Variants in SPAG6 observed in about 807,000 individuals in gnomAD.
SPAG6 encodes sperm associated antigen 6.
In SPAG6, 49 loss-of-function variants were observed where a neutral mutation model predicts 58.5. The ratio of observed to expected loss-of-function variants is 0.84; its 90% CI spans 0.67 to 1.06. The LOEUF (loss-of-function observed/expected upper bound fraction) is 1.06, where lower values mean the gene tolerates loss of function less well. SPAG6 is among the 50% of genes least tolerant of loss of function. The probability of loss-of-function intolerance (pLI) is 0.00; values close to 1 mark genes in which losing one functional copy is unlikely to be tolerated. For missense variants in SPAG6, 560 were observed against 611.3 expected, an observed-to-expected ratio of 0.92 and a Z score of 0.89; for synonymous variants, 233 against 225.6, an observed-to-expected ratio of 1.03 and a Z score of -0.29.
chr10:22,391,855 A>G lies in SPAG6; in HGVS notation c.1132A>G (p.Asn378Asp), dbSNP rs1375049430. The G allele has an allele frequency of 6.2e-7, 1 of 1,613,566 alleles. No individual in the cohort carries two copies. Among genetic ancestry groups the G allele is most frequent in the African/African-American group, 1.3e-5 (1 of 74,990 alleles). ...ACACGCACGGGCTGTTGCAGTCACA[A>G]ATACTTTGCCAGTTCTGCTTTCTTT... Reference protein sequence around the residue: ...PEHARAVAVTNTLPVLLSLYM... With the variant: ...PEHARAVAVTDTLPVLLSLYM... The change falls in exon 8 of 11, where the codon AAT becomes GAT. Residue 378 changes from asparagine (N) to aspartate (D), a missense_variant. Coordinates refer to ENST00000376624, the MANE Select transcript of SPAG6 (RefSeq NM_012443.4).
intron 9 of SPAG6, among the ~76,000 whole-genome samples, chr10:22,405,336 T>C (rs1423753382): frequency 1.3e-5 from 2 of 152,198 alleles, no homozygotes; most frequent in Non-Finnish European, 2.9e-5. Flanking sequence ...ATTGAGAGTT[T>C]TTAACATGAA....
intron 9 of SPAG6, among the ~76,000 whole-genome samples, chr10:22,404,760 A>T (rs1834507895): frequency 2.0e-5 from 3 of 148,768 alleles, no homozygotes; most frequent in African/African-American, 7.4e-5. Flanking sequence ...GATTCTTCCT[A>T]CCCATGAGCA....
intron 2 of SPAG6, among the ~76,000 whole-genome samples, chr10:22,350,425 T>G (rs1003309029): frequency 1.3e-5 from 2 of 152,036 alleles, no homozygotes; most frequent in African/African-American, 4.8e-5. Context: ...AATTGTTTCC[T>G]TAGAAAAAAA....
chr10:22,400,323 G>C (rs370768259), intron 8 of SPAG6, among the ~76,000 whole-genome samples: 1 of 152,040 alleles, frequency 6.6e-6, no homozygotes, highest in East Asian at 1.9e-4. Context: ...AATAGCTGGA[G>C]ACAAACCCAA....
At chr10:22,350,984 A>G (rs1216213683) in intron 2 of SPAG6, among the ~76,000 whole-genome samples, 1 of 152,240 alleles carries the variant, frequency 6.6e-6, no homozygotes, top group Non-Finnish European at 1.5e-5. Flanking sequence ...CATTTTTAAT[A>G]CTGCCTCATT....
Position 22,391,870 on chromosome 10 carries a change from C to T in SPAG6, c.1147C>T (p.Leu383=). 1.2e-6 allele frequency: 2 copies of T among 1,613,488 alleles called. No individual in the cohort carries two copies. The highest frequency in any genetic ancestry group is 1.1e-5 in the South Asian group (1 of 91,060). ...AVAVTNTLPV[L]LSLYMSTESS... The stretch of plus-strand genomic sequence containing the variant: ...TGCAGTCACAAATACTTTGCCAGTT[C>T]TGCTTTCTTTGTACATGTCAACAGA... The change falls in exon 8 of 11, where the codon CTG becomes TTG. Residue 383 remains leucine (L), a synonymous_variant. Transcript: ENST00000376624.
intron 2 of SPAG6, among the ~76,000 whole-genome samples, chr10:22,351,174 G>A (rs553116980): frequency 2.6e-4 from 40 of 152,254 alleles, no homozygotes; most frequent in Admixed American, 3.9e-4. Flanking sequence ...GAGGACTATC[G>A]TGGAGTTTGA....
intron 8 of SPAG6, among the ~76,000 whole-genome samples, chr10:22,392,209 AT>A (rs1834198476): frequency 6.6e-6 from 1 of 152,104 alleles, no homozygotes; most frequent in African/African-American, 2.4e-5. Flanking sequence ...GAATAATAGA[AT>A]TTTTTAGTTT....
At chr10:22,355,989 A>G (rs1286444723) in intron 2 of SPAG6, among the ~76,000 whole-genome samples, 1 of 152,364 alleles carries the variant, frequency 6.6e-6, no homozygotes, top group African/African-American at 2.4e-5. Flanking sequence ...TAAAAAATCT[A>G]TTAGAGTAAG....
chr10:22,368,755 CT>C, intron 4 of SPAG6, 77 bp downstream of exon 4: 1 of 1,163,240 alleles, frequency 8.6e-7, no homozygotes, highest in Non-Finnish European at 1.2e-6. Flanking sequence ...TCCAGTTTTG[CT>C]TAGTAAAACA....
At chr10:22,390,225 A>G (rs1245282367) in intron 7 of SPAG6, among the ~76,000 whole-genome samples, 5 of 152,114 alleles carry the variant, frequency 3.3e-5, no homozygotes, top group Non-Finnish European at 7.4e-5. Flanking sequence ...CTAGAGCAAT[A>G]GTGGTGCTTT....
In SPAG6 at chr10:22,414,317, C is replaced by A. The variant is rs536952927; in HGVS notation, c.1461-2302C>A. ...GACATTTAGAGGTAAGTTGGGATAG[C>A]TGTGGTTGCTGGCCAGAGGGAAGGA... On this transcript the variant is annotated intron_variant, in intron 10 of 10. Transcript: ENST00000376624. 3.3e-5 allele frequency among the ~76,000 whole-genome samples: 5 copies of A among 152,256 alleles called. No homozygotes were observed. In the East Asian group the frequency reaches 9.6e-4, roughly 29 times the overall value.
intron 4 of SPAG6, among the ~76,000 whole-genome samples, chr10:22,381,030 A>C (rs1049673922): frequency 6.6e-6 from 1 of 151,996 alleles, no homozygotes; most frequent in African/African-American, 2.4e-5. Context: ...TTCGAGTATC[A>C]TATGTTTAGA....
chr10:22,401,203 T>G lies in SPAG6; in HGVS notation c.1240T>G (p.Leu414Val), dbSNP rs1336871343. Residue 414 changes from leucine (L) to valine (V), a missense_variant, in exon 9 of 11, where the codon TTA (leucine) becomes GTA (valine). By Grantham distance (32) the Leu-to-Val change is conservative (BLOSUM62 1). Transcript: ENST00000376624. The part of the protein sequence containing the change: ...IKNILQKCTY[L>V]PALEPFLYDA... ...GAATATCCTGCAAAAATGTACCTAC[T>G]TACCAGCCCTTGAACCATTTCTATA... 1 of 1,607,850 alleles carries G rather than the reference T, an allele frequency of 6.2e-7. No individual in the cohort carries two copies. The highest frequency in any genetic ancestry group is 1.1e-5 in the South Asian group (1 of 90,920).
intron 4 of SPAG6, among the ~76,000 whole-genome samples, chr10:22,386,330 C>T (rs932850825): frequency 2.0e-5 from 3 of 152,004 alleles, no homozygotes; most frequent in South Asian, 2.1e-4. Flanking sequence ...TGTTTACTCA[C>T]GTAAATAGCA....
At position 22,417,244 on chromosome 10, in the gene SPAG6, A is replaced by G. The variant is rs1404885445; in HGVS notation, c.*556A>G. 3 of 152,230 alleles carry G rather than the reference A, an allele frequency of 2.0e-5. No individual in the cohort carries two copies. Among genetic ancestry groups the G allele is most frequent in the African/African-American group, 7.2e-5 (3 of 41,440 alleles). 9.4% of individuals were successfully genotyped at this position (152,230 alleles called of 1,614,324 possible). A position where few individuals can be genotyped will look rare whatever the true frequency, so the allele number is the denominator to read the frequency against. Reference sequence around the variant, plus strand: ...TTAGGTTTTACTAAGAATTTAGGAAAAATTTACTCCTCTTTATCACAAGTT... The same window carrying G: ...TTAGGTTTTACTAAGAATTTAGGAAGAATTTACTCCTCTTTATCACAAGTT... On this transcript the variant is annotated 3_prime_UTR_variant, in exon 11 of 11. Transcript: ENST00000376624.
chr10:22,352,015 C>A (rs1187288259), intron 2 of SPAG6, among the ~76,000 whole-genome samples: 1 of 152,012 alleles, frequency 6.6e-6, no homozygotes. Flanking sequence ...AAAAAATTAG[C>A]CGGGCGTGGT....
Position 22,345,573 on chromosome 10 carries a change from C to T in SPAG6, c.-39C>T, listed in dbSNP as rs1412898300. The T allele has an allele frequency of 1.3e-6, 2 of 1,513,012 alleles. No homozygotes were observed. The highest frequency in any genetic ancestry group is 1.2e-5 in the South Asian group (1 of 81,404). 93.7% of individuals were successfully genotyped at this position (1,513,012 alleles called of 1,614,324 possible). A position where few individuals can be genotyped will look rare whatever the true frequency, so the allele number is the denominator to read the frequency against. ...TGGACTCGCAGGCCGAGCGGCTTCC[C>T]CGCAGAGCTCGAGGAGGGCAGACGG... On this transcript the variant is annotated 5_prime_UTR_variant, in exon 1 of 11. Coordinates refer to ENST00000376624, the MANE Select transcript of SPAG6 (RefSeq NM_012443.4). This position sits in a 1 kb window ranked among gnomAD's most constrained non-coding sequence, Gnocchi z 6.3.
intron 3 of SPAG6, among the ~76,000 whole-genome samples, chr10:22,367,788 A>C (rs1196118251): frequency 2.0e-5 from 3 of 152,166 alleles, no homozygotes; most frequent in Non-Finnish European, 4.4e-5. Context: ...CAATGCATCT[A>C]TAGGAAATAT....
Sources: allele counts gnomAD v4.1 joint callset (sites outside exome capture counted in the v4.1 genomes callset), GRCh38; gene constraint gnomAD v4.1.1; non-coding constraint Gnocchi (gnomAD v3.1); transcripts MANE v1.5; gene names NCBI Gene and HGNC (gene_info 2026-07-23, HGNC 2026-07-21).